OPCML: variants seen among roughly 807,000 people sequenced by gnomAD.
OPCML encodes opioid binding protein/cell adhesion molecule like.
OPCML carries 13 observed loss-of-function variants against 37.8 expected under a neutral mutation model. The observed-to-expected ratio is 0.34, with a 90% CI of 0.22 to 0.55. The LOEUF (loss-of-function observed/expected upper bound fraction) is 0.55. Ranked by LOEUF, OPCML falls within the 20% of genes least tolerant of loss-of-function variation. The pLI is 0.91. For synonymous variants in OPCML, 176 were observed against 168.8 expected, an observed-to-expected ratio of 1.04 and a Z score of -0.33; for missense variants, 341 against 435.6, an observed-to-expected ratio of 0.78 and a Z score of 1.93.
At chr11:133,260,374 A>G (rs937435691) in intron 1 of OPCML, among the ~76,000 whole-genome samples, 1 of 152,226 alleles carries the variant, frequency 6.6e-6, no homozygotes, top group East Asian at 1.9e-4. Context: ...AGACCTGACT[A>G]AAGAGGGTCT....
intron 1 of OPCML, among the ~76,000 whole-genome samples, chr11:132,981,210 G>A (rs553286633): frequency 6.6e-6 from 1 of 152,352 alleles, no homozygotes; most frequent in East Asian, 1.9e-4. Flanking sequence ...GGATACAGAA[G>A]AAATGGAAAA....
chr11:132,739,811 A>G (rs1945379510), intron 2 of OPCML, among the ~76,000 whole-genome samples: 1 of 152,200 alleles, frequency 6.6e-6, no homozygotes, highest in South Asian at 2.1e-4. Context: ...ATAATTAAAT[A>G]TGCACTAAGT....
intron 1 of OPCML, among the ~76,000 whole-genome samples, chr11:133,038,810 G>C (rs1320799743): frequency 7.3e-6 from 1 of 137,346 alleles, no homozygotes; most frequent in Non-Finnish European, 1.5e-5. Flanking sequence ...CTGACTCACT[G>C]TTGCCTCTAT....
intron 1 of OPCML, among the ~76,000 whole-genome samples, chr11:133,116,945 C>T (rs911656766): frequency 1.1e-4 from 17 of 151,998 alleles, no homozygotes; most frequent in Non-Finnish European, 2.5e-4. Context: ...TTTTATTCTA[C>T]ATTGTTAGTT....
At chr11:132,906,039 G>GT (rs1337627315) in intron 2 of OPCML, among the ~76,000 whole-genome samples, 3 of 152,156 alleles carry the variant, frequency 2.0e-5, no homozygotes, top group African/African-American at 7.2e-5. Context: ...CTTTGGAAGG[G>GT]TTTTTTGAAA....
At chr11:133,428,696 A>G (rs1946056996) in intron 1 of OPCML, among the ~76,000 whole-genome samples, 1 of 152,300 alleles carries the variant, frequency 6.6e-6, no homozygotes, top group Non-Finnish European at 1.5e-5. Flanking sequence ...GAGCTTCAAT[A>G]AATGAAGAGG....
chr11:133,197,710 C>T (rs749340238), intron 1 of OPCML, among the ~76,000 whole-genome samples: 1 of 152,200 alleles, frequency 6.6e-6, no homozygotes, highest in Non-Finnish European at 1.5e-5. Context: ...TGGTATTGAA[C>T]TAGCAAGAGC....
At chr11:133,079,522 A>T (rs1300250293) in intron 1 of OPCML, among the ~76,000 whole-genome samples, 1 of 151,112 alleles carries the variant, frequency 6.6e-6, no homozygotes, top group African/African-American at 2.4e-5. Context: ...AGGCTAAAAA[A>T]TGGCTAAAAC....
chr11:133,009,025 GT>G, intron 1 of OPCML: 1 of 985,422 alleles, frequency 1.0e-6, no homozygotes, highest in Non-Finnish European at 1.2e-6. Context: ...TCTGTTTCAA[GT>G]TTTGATTACT....
chr11:132,912,189 G>A (rs770173475), intron 2 of OPCML, among the ~76,000 whole-genome samples: 63 of 152,114 alleles, frequency 4.1e-4, no homozygotes, highest in Non-Finnish European at 8.5e-4. Flanking sequence ...AGCTAAGACT[G>A]CAAAGCTCTC....
intron 1 of OPCML, among the ~76,000 whole-genome samples, chr11:133,472,075 TAA>T (rs1947128729): frequency 6.6e-6 from 1 of 152,182 alleles, no homozygotes; most frequent in South Asian, 2.1e-4. Context: ...AATGAAAAGT[TAA>T]GTTTGATTTT....
chr11:132,504,912 C>G (rs1263420005), intron 4 of OPCML, among the ~76,000 whole-genome samples: 1 of 152,098 alleles, frequency 6.6e-6, no homozygotes, highest in African/African-American at 2.4e-5. Flanking sequence ...ACTTTCTAAG[C>G]AATCACAATG....
At chr11:132,438,887 A>G (rs2096022449) in intron 4 of OPCML, among the ~76,000 whole-genome samples, 1 of 152,110 alleles carries the variant, frequency 6.6e-6, no homozygotes, top group Admixed American at 6.5e-5. Flanking sequence ...CCATTTCCCC[A>G]GACCATGTGC....
intron 2 of OPCML, among the ~76,000 whole-genome samples, chr11:132,780,108 C>T (rs1222737918): frequency 2.0e-5 from 3 of 152,216 alleles, no homozygotes; most frequent in Non-Finnish European, 4.4e-5. Flanking sequence ...TCACAATCCT[C>T]ATCAAAACAC....
At chr11:132,533,204 G>A (rs186826394) in intron 3 of OPCML, among the ~76,000 whole-genome samples, 39 of 152,288 alleles carry the variant, frequency 2.6e-4, no homozygotes, top group African/African-American at 9.1e-4. Context: ...TGGTGCTGCA[G>A]GTATCTGCTT....
At chr11:133,084,082 TG>T (rs1948782631) in intron 1 of OPCML, among the ~76,000 whole-genome samples, 2 of 152,228 alleles carry the variant, frequency 1.3e-5, no homozygotes, top group African/African-American at 4.8e-5. Context: ...TTTTTTTAAC[TG>T]GCAAGCGGAG....
intron 1 of OPCML, among the ~76,000 whole-genome samples, chr11:133,097,858 T>G (rs561209485): frequency 6.6e-6 from 1 of 152,144 alleles, no homozygotes; most frequent in Non-Finnish European, 1.5e-5. Flanking sequence ...CTGAGGAAAT[T>G]AAATAAATAG....
chr11:132,735,342 G>T (rs1343735725), intron 2 of OPCML, among the ~76,000 whole-genome samples: 1 of 152,070 alleles, frequency 6.6e-6, no homozygotes, highest in African/African-American at 2.4e-5. Flanking sequence ...GGGCTTCTTA[G>T]AAGTTTAAAA....
At chr11:133,011,579 T>G (rs960447056) in intron 1 of OPCML, among the ~76,000 whole-genome samples, 1 of 150,606 alleles carries the variant, frequency 6.6e-6, no homozygotes, top group Non-Finnish European at 1.5e-5. Flanking sequence ...ATTTAAAAAC[T>G]GAATGAACAG....
Sources: gnomAD v4.1 joint callset for allele counts (sites outside exome capture counted in the v4.1 genomes callset) on GRCh38, gnomAD v4.1.1 for gene constraint, MANE v1.5 for transcripts, NCBI Gene and HGNC (gene_info 2026-07-23, HGNC 2026-07-21) for gene names.